C8orf34: variants seen among roughly 807,000 people sequenced by gnomAD.
C8orf34 encodes the protein uncharacterized protein C8orf34.
In C8orf34, 65 loss-of-function variants were observed where a neutral mutation model predicts 68.3. The observed-to-expected ratio is 0.95, with a 90% CI of 0.78 to 1.17. The LOEUF is 1.17. C8orf34 is among the 50% of genes most tolerant of loss of function. The probability of loss-of-function intolerance (pLI) is 0.00; values close to 1 mark genes in which losing one functional copy is unlikely to be tolerated. For synonymous variants in C8orf34, 244 were observed against 241.2 expected, an observed-to-expected ratio of 1.01 and a Z score of -0.11; for missense variants, 664 against 655.4, an observed-to-expected ratio of 1.01 and a Z score of -0.14.
At chr8:68,679,286 AAAAAC>A (rs775000746) in intron 8 of C8orf34, among the ~76,000 whole-genome samples, 3 of 152,054 alleles carry the variant, frequency 2.0e-5, no homozygotes, top group African/African-American at 7.2e-5. Context: ...GACTTTGTCT[AAAAAC>A]AAAACAAAAC....
chr8:68,634,587 C>T, intron 7 of C8orf34, among the ~76,000 whole-genome samples: 1 of 152,100 alleles, frequency 6.6e-6, no homozygotes, highest in Non-Finnish European at 1.5e-5. Context: ...GACACCTGCT[C>T]CCTTAAATAA....
intron 8 of C8orf34, among the ~76,000 whole-genome samples, chr8:68,685,623 A>C (rs957769074): frequency 6.6e-6 from 1 of 152,208 alleles, no homozygotes; most frequent in East Asian, 1.9e-4. Context: ...TGGGAGGCCA[A>C]GGCAGGTGGA....
intron 4 of C8orf34, among the ~76,000 whole-genome samples, chr8:68,471,636 G>A (rs1812381439): frequency 1.3e-5 from 2 of 151,914 alleles, no homozygotes; most frequent in Non-Finnish European, 2.9e-5. Context: ...ATAGGGGATG[G>A]GATTTTCCTC....
At chr8:68,518,623 T>C (rs984658901) in intron 5 of C8orf34, among the ~76,000 whole-genome samples, 3 of 151,926 alleles carry the variant, frequency 2.0e-5, no homozygotes, top group Admixed American at 2.0e-4. Context: ...TGTGGCCGGG[T>C]GCGGTGGTTC....
chr8:68,512,880 G>T (rs1814339947), intron 5 of C8orf34, among the ~76,000 whole-genome samples: 1 of 150,162 alleles, frequency 6.7e-6, no homozygotes, highest in South Asian at 2.1e-4. Context: ...TGTTATAATT[G>T]TAACTCCTAG....
At chr8:68,368,166 T>C (rs1468636166) in intron 1 of C8orf34, among the ~76,000 whole-genome samples, 1 of 152,142 alleles carries the variant, frequency 6.6e-6, no homozygotes, top group Non-Finnish European at 1.5e-5. Flanking sequence ...CAGATTATCC[T>C]CTGAAATTGC....
chr8:68,571,685 G>T (rs1816763092), intron 7 of C8orf34, among the ~76,000 whole-genome samples: 1 of 152,142 alleles, frequency 6.6e-6, no homozygotes, highest in African/African-American at 2.4e-5. Context: ...AGAAAAGTAG[G>T]AAGAAGCATA....
At chr8:68,422,565 C>T (rs1810026505) in intron 1 of C8orf34, among the ~76,000 whole-genome samples, 1 of 152,228 alleles carries the variant, frequency 6.6e-6, no homozygotes, top group Non-Finnish European at 1.5e-5. Flanking sequence ...CTTTCACAGG[C>T]TGGTGTTGAG....
chr8:68,669,573 A>C (rs893087504), intron 8 of C8orf34, among the ~76,000 whole-genome samples: 1 of 152,210 alleles, frequency 6.6e-6, no homozygotes, highest in Non-Finnish European at 1.5e-5. Flanking sequence ...TATCAGGAAA[A>C]CAATAATATT....
chr8:68,510,262 A>G (rs1466743100), intron 5 of C8orf34, among the ~76,000 whole-genome samples: 1 of 152,140 alleles, frequency 6.6e-6, no homozygotes, highest in Non-Finnish European at 1.5e-5. Flanking sequence ...CTTATGATAT[A>G]CCCAGAAAAC....
intron 8 of C8orf34, among the ~76,000 whole-genome samples, chr8:68,672,499 T>C (rs1820045653): frequency 6.6e-6 from 1 of 152,126 alleles, no homozygotes; most frequent in Admixed American, 6.5e-5. Flanking sequence ...GCATTGAAAC[T>C]CAGTGCTGCC....
intron 1 of C8orf34, among the ~76,000 whole-genome samples, chr8:68,406,676 A>C (rs1003865088): frequency 2.6e-5 from 4 of 151,906 alleles, no homozygotes; most frequent in Non-Finnish European, 5.9e-5. Context: ...TTATATTTTT[A>C]GTAGAGACAG....
At chr8:68,740,724 A>T (rs1222617349) in intron 10 of C8orf34, among the ~76,000 whole-genome samples, 1 of 152,232 alleles carries the variant, frequency 6.6e-6, no homozygotes, top group Non-Finnish European at 1.5e-5. Context: ...TGACCCAGCA[A>T]TCCCATTACT....
At chr8:68,667,499 T>C (rs1819876685) in intron 8 of C8orf34, among the ~76,000 whole-genome samples, 1 of 152,182 alleles carries the variant, frequency 6.6e-6, no homozygotes, top group Non-Finnish European at 1.5e-5. Context: ...TTATGGAAAC[T>C]TGATGAAATT....
At chr8:68,616,799 A>G (rs1205325722) in intron 7 of C8orf34, among the ~76,000 whole-genome samples, 2 of 152,096 alleles carry the variant, frequency 1.3e-5, no homozygotes, top group African/African-American at 2.4e-5. Context: ...GTAGATGTCT[A>G]TTAGGTCCGC....
chr8:68,399,792 C>G (rs1267781762), intron 1 of C8orf34, among the ~76,000 whole-genome samples: 1 of 152,016 alleles, frequency 6.6e-6, no homozygotes, highest in Non-Finnish European at 1.5e-5. Flanking sequence ...TGTAAGCGTT[C>G]CCTTTTCTCT....
intron 7 of C8orf34, among the ~76,000 whole-genome samples, chr8:68,600,847 C>T (rs910551902): frequency 1.3e-5 from 2 of 152,120 alleles, no homozygotes; most frequent in African/African-American, 4.8e-5. Flanking sequence ...TGCTATCAAA[C>T]CTTAGAACTT....
chr8:68,435,748 G>A (rs1304080810), intron 1 of C8orf34, among the ~76,000 whole-genome samples: 1 of 152,156 alleles, frequency 6.6e-6, no homozygotes, highest in Admixed American at 6.5e-5. Flanking sequence ...CCTTAGAAAG[G>A]GTGTTAGTCC....
chr8:68,462,345 G>T (rs137931117), intron 3 of C8orf34, among the ~76,000 whole-genome samples: 117 of 152,264 alleles, frequency 7.7e-4, no homozygotes, highest in East Asian at 6.2e-3. Context: ...AATAATGGGA[G>T]AATCTAATAC....
Sources: allele counts gnomAD v4.1 joint callset (sites outside exome capture counted in the v4.1 genomes callset), GRCh38; gene constraint gnomAD v4.1.1; transcripts MANE v1.5; gene names NCBI Gene and HGNC (gene_info 2026-07-23, HGNC 2026-07-21).